The following PTPRD variants were observed in gnomAD, a reference collection of about 807,000 sequenced individuals.
PTPRD encodes the protein protein tyrosine phosphatase receptor type D, also known as receptor-type tyrosine-protein phosphatase delta.
Under a neutral mutation model 214.5 loss-of-function variants are expected in PTPRD, and 34 were observed. That is an observed-to-expected ratio of 0.16 (90% CI 0.12 to 0.21). PTPRD has a LOEUF of 0.21. PTPRD is among the 10% of genes least tolerant of loss of function. PTPRD has a pLI of 1.00. For missense variants in PTPRD, 2,545 were observed against 2,398.7 expected (o/e 1.06, Z -1.27); for synonymous variants, 1,128 against 845.7 (o/e 1.33, Z -5.79).
At chr9:9,410,508 C>A (rs2075049752) in intron 8 of PTPRD, among the ~76,000 whole-genome samples, 1 of 152,146 alleles carries the variant, frequency 6.6e-6, no homozygotes, top group Non-Finnish European at 1.5e-5. Context: ...GGGAAGAAAT[C>A]CACACATGTG....
intron 8 of PTPRD, among the ~76,000 whole-genome samples, chr9:9,457,571 T>C (rs935628496): frequency 2.0e-5 from 3 of 152,026 alleles, no homozygotes; most frequent in African/African-American, 7.2e-5. Context: ...CTGGGGAAGA[T>C]TTTATGGGGC....
chr9:9,406,978 A>G (rs1336003094), intron 8 of PTPRD, among the ~76,000 whole-genome samples: 1 of 151,682 alleles, frequency 6.6e-6, no homozygotes, highest in Admixed American at 6.6e-5. Flanking sequence ...TGCCATTAGC[A>G]TTGTGAAAAT....
At chr9:10,444,011 C>A (rs2098780677) in intron 2 of PTPRD, among the ~76,000 whole-genome samples, 1 of 151,536 alleles carries the variant, frequency 6.6e-6, no homozygotes, top group Non-Finnish European at 1.5e-5. Flanking sequence ...ACCAGTTGCC[C>A]AACATTCATA....
chr9:8,714,832 C>T (rs72700395), intron 12 of PTPRD, among the ~76,000 whole-genome samples: 394 of 152,184 alleles, frequency 2.6e-3, no homozygotes, highest in Non-Finnish European at 3.9e-3. Context: ...CTTAGGTCAC[C>T]TTTGAACACA....
intron 5 of PTPRD, among the ~76,000 whole-genome samples, chr9:9,773,959 A>G (rs745906388): frequency 2.6e-5 from 4 of 152,196 alleles, no homozygotes; most frequent in African/African-American, 2.4e-5. Flanking sequence ...TGTACAGGCA[A>G]TGTCAATGTT....
intron 10 of PTPRD, among the ~76,000 whole-genome samples, chr9:9,071,533 A>G (rs903878961): frequency 6.6e-6 from 1 of 152,178 alleles, no homozygotes; most frequent in Non-Finnish European, 1.5e-5. Context: ...AACTGTGAGT[A>G]GCCCCTGGGA....
chr9:8,639,858 T>C (rs1028945312), intron 12 of PTPRD, among the ~76,000 whole-genome samples: 3 of 152,228 alleles, frequency 2.0e-5, no homozygotes, highest in African/African-American at 7.2e-5. Flanking sequence ...ACTTGGAGAA[T>C]AGGTATGAGT....
At chr9:9,098,177 T>C (rs759191413) in intron 10 of PTPRD, among the ~76,000 whole-genome samples, 13 of 152,124 alleles carry the variant, frequency 8.5e-5, no homozygotes, top group Non-Finnish European at 1.3e-4. Context: ...GCTCCAAAAA[T>C]TGCCTTTCTT....
chr9:8,519,653 A>G (rs1237506329), intron 20 of PTPRD, among the ~76,000 whole-genome samples: 1 of 152,188 alleles, frequency 6.6e-6, no homozygotes, highest in Non-Finnish European at 1.5e-5. Flanking sequence ...GTAGGTTTTT[A>G]ATGAGAATCG....
At chr9:8,751,415 GA>G (rs1476156315) in intron 11 of PTPRD, among the ~76,000 whole-genome samples, 1 of 87,208 alleles carries the variant, frequency 1.1e-5, no homozygotes, top group Non-Finnish European at 2.8e-5. Context: ...AAAAAAAAAA[GA>G]AAAGAAAAAA....
intron 3 of PTPRD, among the ~76,000 whole-genome samples, chr9:10,264,715 G>A (rs1215387151): frequency 6.6e-6 from 1 of 152,082 alleles, no homozygotes; most frequent in Non-Finnish European, 1.5e-5. Context: ...GGGATCTCTT[G>A]GGAAGCCATG....
intron 11 of PTPRD, among the ~76,000 whole-genome samples, chr9:8,876,714 T>C (rs1037023665): frequency 4.6e-5 from 7 of 152,192 alleles, no homozygotes; most frequent in African/African-American, 1.7e-4. Flanking sequence ...ATGACTGCAG[T>C]AAAACTTTAC....
chr9:9,089,283 G>T (rs929749089), intron 10 of PTPRD, among the ~76,000 whole-genome samples: 36 of 152,172 alleles, frequency 2.4e-4, no homozygotes, highest in African/African-American at 8.2e-4. Context: ...AATAGGTAAA[G>T]AAATAAGTGT....
chr9:10,273,455 G>A (rs1323503), intron 3 of PTPRD, among the ~76,000 whole-genome samples: 1 of 151,516 alleles, frequency 6.6e-6, no homozygotes, highest in African/African-American at 2.4e-5. Context: ...ATTAGAGTTA[G>A]ATAAAAATTT....
At chr9:10,364,950 C>T (rs563963966) in intron 2 of PTPRD, among the ~76,000 whole-genome samples, 2 of 152,240 alleles carry the variant, frequency 1.3e-5, no homozygotes, top group South Asian at 4.2e-4. Context: ...TGTTCTTTGT[C>T]GAAATAAGCC....
intron 7 of PTPRD, among the ~76,000 whole-genome samples, chr9:9,576,183 G>A (rs558441247): frequency 1.2e-4 from 18 of 152,196 alleles, no homozygotes; most frequent in African/African-American, 4.1e-4. Context: ...TACCATAATT[G>A]AAGAAAATAG....
chr9:8,346,958 A>G (rs1010793742), intron 39 of PTPRD, among the ~76,000 whole-genome samples: 2 of 152,242 alleles, frequency 1.3e-5, no homozygotes, highest in Middle Eastern at 3.4e-3. Context: ...GCACTTAGTT[A>G]AGATGAAAAA....
intron 37 of PTPRD, among the ~76,000 whole-genome samples, chr9:8,381,093 C>T (rs2084921263): frequency 1.3e-5 from 2 of 152,086 alleles, no homozygotes; most frequent in Admixed American, 1.3e-4. Context: ...ACGTGGGATA[C>T]CATAACTATT....
rs539991211 is a variant in PTPRD, at chr9:8,883,455, G to A, written c.-104+135242C>T. 3.3e-5 allele frequency among the ~76,000 whole-genome samples: 5 copies of A among 152,260 alleles called. No individual in the cohort carries two copies. In the South Asian group the frequency reaches 1.0e-3, roughly 32 times the overall value. ...AGTGTTGTTAGACTTAATCAGTCAGGACCATAAACTTGGGTAATTTGAAAA... is the reference window on the plus strand; with the variant it reads ...AGTGTTGTTAGACTTAATCAGTCAGAACCATAAACTTGGGTAATTTGAAAA... On this transcript the variant is annotated intron_variant, in intron 11 of 45. Coordinates refer to ENST00000381196, the MANE Select transcript of PTPRD (RefSeq NM_002839.4).
Sources: gnomAD v4.1 joint callset for allele counts (sites outside exome capture counted in the v4.1 genomes callset) on GRCh38, gnomAD v4.1.1 for gene constraint, MANE v1.5 for transcripts, NCBI Gene and HGNC (gene_info 2026-07-23, HGNC 2026-07-21) for gene names.